Variants in ITGA9 observed in about 807,000 individuals in gnomAD.
ITGA9 encodes integrin alpha-9.
A neutral mutation model predicts 127.8 loss-of-function variants in ITGA9; 56 were observed. That is an observed-to-expected ratio of 0.44 (90% CI 0.35 to 0.55). The LOEUF is 0.55. Among genes scored for constraint, ITGA9 ranks in the 20% least tolerant of loss-of-function variants. The pLI is 0.00. For missense variants in ITGA9, 1,196 were observed against 1,347.1 expected (o/e 0.89, Z 1.76); for synonymous variants, 508 against 514.5 (o/e 0.99, Z 0.17).
chr3:37,616,283 A>G (rs1262459224), intron 15 of ITGA9, among the ~76,000 whole-genome samples: 2 of 152,130 alleles, frequency 1.3e-5, no homozygotes, highest in African/African-American at 4.8e-5. Flanking sequence ...TTTTGAGTGA[A>G]TTTCTTAATC....
chr3:37,713,683 T>C (rs1418331503), intron 18 of ITGA9, among the ~76,000 whole-genome samples: 1 of 152,192 alleles, frequency 6.6e-6, no homozygotes, highest in African/African-American at 2.4e-5. Context: ...TCGCTTTGCC[T>C]TTTGTAAAAA....
chr3:37,632,102 G>A (rs1339332685), intron 16 of ITGA9, among the ~76,000 whole-genome samples: 7 of 152,258 alleles, frequency 4.6e-5, no homozygotes, highest in Admixed American at 6.5e-5. Flanking sequence ...GGAATATTTG[G>A]TGCATGAAAG....
intron 15 of ITGA9, among the ~76,000 whole-genome samples, chr3:37,577,483 A>G (rs1168027631): frequency 1.3e-5 from 2 of 152,230 alleles, no homozygotes; most frequent in South Asian, 2.1e-4. Flanking sequence ...CTTCTGGTGT[A>G]TCATCCAAAT....
chr3:37,651,493 G>C (rs1700429197), intron 16 of ITGA9, among the ~76,000 whole-genome samples: 1 of 152,192 alleles, frequency 6.6e-6, no homozygotes, highest in Non-Finnish European at 1.5e-5. Flanking sequence ...TGTTGATAAA[G>C]CAGCAACTAC....
intron 17 of ITGA9, among the ~76,000 whole-genome samples, chr3:37,671,953 C>T (rs551614071): frequency 6.6e-6 from 1 of 152,048 alleles, no homozygotes; most frequent in African/African-American, 2.4e-5. Flanking sequence ...GAACATAAAG[C>T]CACGTACAGT....
intron 19 of ITGA9, among the ~76,000 whole-genome samples, chr3:37,734,639 AC>A (rs1461843496): frequency 2.0e-5 from 3 of 152,054 alleles, no homozygotes; most frequent in Admixed American, 6.5e-5. Flanking sequence ...ACAGGTGCCC[AC>A]CACCATGCCC....
chr3:37,589,161 A>G (rs1699788451), intron 15 of ITGA9, among the ~76,000 whole-genome samples: 2 of 152,240 alleles, frequency 1.3e-5, no homozygotes, highest in South Asian at 4.1e-4. Context: ...AGATGTTTGT[A>G]GAAATCTTCA....
At chr3:37,738,732 C>T (rs1197480803) in intron 20 of ITGA9, among the ~76,000 whole-genome samples, 1 of 152,202 alleles carries the variant, frequency 6.6e-6, no homozygotes, top group African/African-American at 2.4e-5. Flanking sequence ...GGTCCTTCCA[C>T]ACCTGAGGCA....
At chr3:37,750,596 T>C (rs941371512) in intron 23 of ITGA9, 27 bp downstream of exon 23, 5 of 1,479,848 alleles carry the variant, frequency 3.4e-6, no homozygotes, top group Admixed American at 1.7e-5. Context: ...TTTTCACTAT[T>C]GCTTTCAGCT....
intron 19 of ITGA9, chr3:37,733,054 A>G (rs549163230): frequency 2.3e-4 from 113 of 496,302 alleles, no homozygotes; most frequent in African/African-American, 1.9e-3. Flanking sequence ...AGGACACACC[A>G]CAGCCTCTGC....
Position 37,736,996 on chromosome 3 carries a change from T to G in ITGA9, c.2234+13T>G, listed in dbSNP as rs73052951. On this transcript the variant is annotated intron_variant, in intron 20 of 27. Transcript: ENST00000264741. ...TTACTGCTCAGAGGTAAGGGGGGGG[T>G]TTAAACACTTTTTTCAAAGATGAGA... 1.7e-4 allele frequency: 258 copies of G among 1,540,704 alleles called. No homozygotes were observed. The highest frequency in any genetic ancestry group is 2.1e-4 in the Non-Finnish European group (230 of 1,114,986).
intron 17 of ITGA9, among the ~76,000 whole-genome samples, chr3:37,672,391 T>C (rs1700645448): frequency 6.6e-6 from 1 of 152,144 alleles, no homozygotes; most frequent in South Asian, 2.1e-4. Context: ...CTGCACACAC[T>C]CTCTTGCCTG....
At chr3:37,779,655 GTAGGATAAAT>G (rs1232463890) in intron 24 of ITGA9, among the ~76,000 whole-genome samples, 4 of 152,138 alleles carry the variant, frequency 2.6e-5, no homozygotes, top group African/African-American at 9.7e-5. Flanking sequence ...CCAATTCTTG[GTAGGATAAAT>G]TAGTGAGCTG....
At chr3:37,809,599 G>A (rs1052609705) in intron 27 of ITGA9, among the ~76,000 whole-genome samples, 2 of 151,954 alleles carry the variant, frequency 1.3e-5, no homozygotes, top group Non-Finnish European at 2.9e-5. Flanking sequence ...TAAGGGGCTT[G>A]GTGGAGGGGA....
At chr3:37,767,221 A>G (rs1187156612) in intron 23 of ITGA9, among the ~76,000 whole-genome samples, 5 of 152,218 alleles carry the variant, frequency 3.3e-5, no homozygotes, top group Admixed American at 2.6e-4. Context: ...AGCCTCATAC[A>G]GAGGCTGTGC....
intron 14 of ITGA9, among the ~76,000 whole-genome samples, chr3:37,537,460 G>A (rs1474021773): frequency 6.6e-6 from 1 of 152,188 alleles, no homozygotes; most frequent in African/African-American, 2.4e-5. Context: ...GGGTAGAGAA[G>A]GGTGGGTTGG....
chr3:37,805,182 C>G (rs1697281313), intron 27 of ITGA9, among the ~76,000 whole-genome samples: 1 of 151,800 alleles, frequency 6.6e-6, no homozygotes, highest in African/African-American at 2.4e-5. Flanking sequence ...TCCCAAGTAG[C>G]TGGGACTACA....
At chr3:37,690,012 C>G (rs58179080) in intron 18 of ITGA9, among the ~76,000 whole-genome samples, 6,690 of 152,258 alleles carry the variant, frequency 0.044, 158 homozygotes, top group African/African-American at 0.056. Flanking sequence ...GGTGCTGAAA[C>G]GTTGTTTGAA....
At chr3:37,768,138 G>A (rs1696800772) in intron 23 of ITGA9, among the ~76,000 whole-genome samples, 1 of 152,012 alleles carries the variant, frequency 6.6e-6, no homozygotes, top group South Asian at 2.1e-4. Flanking sequence ...TTAGTCTTTG[G>A]TCAATATGAA....
Sources: gnomAD v4.1 joint callset for allele counts (sites outside exome capture counted in the v4.1 genomes callset) on GRCh38, gnomAD v4.1.1 for gene constraint, MANE v1.5 for transcripts, NCBI Gene and HGNC (gene_info 2026-07-23, HGNC 2026-07-21) for gene names.